TRIM37: variants seen among roughly 807,000 people sequenced by gnomAD.
The protein encoded by TRIM37 is tripartite motif containing 37.
TRIM37 carries 80 observed loss-of-function variants against 129.8 expected under a neutral mutation model. The ratio of observed to expected loss-of-function variants is 0.62; its 90% CI spans 0.51 to 0.74. The LOEUF (loss-of-function observed/expected upper bound fraction) is 0.74. TRIM37 is among the 30% of genes least tolerant of loss of function. The probability of loss-of-function intolerance (pLI) is 0.00; values close to 1 mark genes in which losing one functional copy is unlikely to be tolerated. For synonymous variants in TRIM37, 389 were observed against 387.1 expected, an observed-to-expected ratio of 1.00 and a Z score of -0.06; for missense variants, 1,054 against 1,176.5, an observed-to-expected ratio of 0.90 and a Z score of 1.52.
At chr17:59,067,050 A>ATTTT (rs556507883) in intron 9 of TRIM37, among the ~76,000 whole-genome samples, 3 of 151,870 alleles carry the variant, frequency 2.0e-5, no homozygotes, top group African/African-American at 7.2e-5. Flanking sequence ...TTATTTATTT[A>ATTTT]TTTTTTTGAG....
chr17:59,073,072 CTT>C (rs950545929), intron 8 of TRIM37: 4 of 152,148 alleles, frequency 2.6e-5, no homozygotes, highest in African/African-American at 9.7e-5. Flanking sequence ...AAAAATTTAA[CTT>C]ATATTAATTG....
chr17:59,075,887 A>T (rs896147227), intron 7 of TRIM37, among the ~76,000 whole-genome samples, 173 bp from the exon 8 acceptor site: 1 of 152,254 alleles, frequency 6.6e-6, no homozygotes, highest in Non-Finnish European at 1.5e-5. Context: ...ATATTATAGT[A>T]GCCTTGAAAA....
At chr17:59,103,588 C>T (rs1186337942) in intron 2 of TRIM37, among the ~76,000 whole-genome samples, 1 of 151,616 alleles carries the variant, frequency 6.6e-6, no homozygotes, top group Non-Finnish European at 1.5e-5. Flanking sequence ...GATCCACCCG[C>T]CTCGGCCTCC....
intron 16 of TRIM37, 52 bp downstream of exon 16, chr17:59,047,631 C>T: frequency 1.3e-6 from 2 of 1,563,168 alleles, no homozygotes; most frequent in East Asian, 2.2e-5. Flanking sequence ...AGTTAATATG[C>T]TTCTAATAAT....
downstream of TRIM37, chr17:58,982,470 G>C (rs1233772329): frequency 6.3e-6 from 1 of 159,270 alleles, no homozygotes. Context: ...TAACAAGGGT[G>C]AGTGCTCTCG....
intron 3 of TRIM37, among the ~76,000 whole-genome samples, chr17:59,090,406 T>C (rs2044184774): frequency 6.6e-6 from 1 of 152,024 alleles, no homozygotes; most frequent in Admixed American, 6.6e-5. Flanking sequence ...TATATATAAA[T>C]ATAGGCACAA....
chr17:59,015,708 T>G lies in TRIM37; in HGVS notation c.2478A>C (p.Glu826Asp). 1 of 1,614,132 alleles carries G rather than the reference T, an allele frequency of 6.2e-7. No individual in the cohort carries two copies. ...GSIGDILPKT[E>D]DRQCKALDSD... ...AATCCAAAGCTTTACACTGCCGGTC[T>G]TCAGTTTTTGGCAGAATATCACCGA... The change falls in exon 21 of 24, where the codon GAA (glutamate) becomes GAC (aspartate). Residue 826 changes from glutamate (E) to aspartate (D), a missense_variant. By Grantham distance (45) the Glu-to-Asp change is conservative. Coordinates refer to ENST00000262294, the MANE Select transcript of TRIM37 (RefSeq NM_015294.6).
At chr17:59,099,216 A>G (rs1305167267) in intron 2 of TRIM37, among the ~76,000 whole-genome samples, 1 of 151,978 alleles carries the variant, frequency 6.6e-6, no homozygotes, top group Non-Finnish European at 1.5e-5. Context: ...AGGATAAACA[A>G]AAAGTGGTAT....
intron 24 of TRIM37, among the ~76,000 whole-genome samples, chr17:58,986,301 C>T (rs1185864485): frequency 1.3e-5 from 2 of 151,840 alleles, no homozygotes; most frequent in Non-Finnish European, 2.9e-5. Flanking sequence ...CAGGTTCAAG[C>T]GATTTTCCTG....
intron 4 of TRIM37, among the ~76,000 whole-genome samples, chr17:59,084,338 C>G (rs1234083916): frequency 6.6e-6 from 1 of 152,158 alleles, no homozygotes; most frequent in Non-Finnish European, 1.5e-5. Flanking sequence ...TTCTTAAAAA[C>G]ATAACACATA....
rs554014861 is a variant in TRIM37, at chr17:59,006,892, A to T, written c.2696-5178T>A. Among the ~76,000 whole-genome samples, 85 of 151,916 alleles carry T rather than the reference A, an allele frequency of 5.6e-4. 2 individuals are homozygous for T. The highest frequency in any genetic ancestry group is 6.8e-4 in the Non-Finnish European group (46 of 67,942). On this transcript the variant is annotated intron_variant, in intron 22 of 23. Transcript: ENST00000262294. ...CGACAGAGCAACACTCTGTCTCCAA[A>T]AAATAAATAAATAAATAAATAAATA...
At chr17:59,075,740 C>T (rs978900836) in intron 7 of TRIM37, 26 bp from the exon 8 acceptor site, 3 of 1,504,250 alleles carry the variant, frequency 2.0e-6, no homozygotes, top group Non-Finnish European at 2.8e-6. Context: ...GAATCATCAA[C>T]ACTTGGGTTC....
chr17:59,042,302 G>A (rs1314759735), intron 16 of TRIM37, among the ~76,000 whole-genome samples: 1 of 149,366 alleles, frequency 6.7e-6, no homozygotes, highest in Non-Finnish European at 1.5e-5. Context: ...CGTGAACCCA[G>A]GAGGCAAGCT....
In TRIM37 at chr17:59,091,471, CATAATAT is replaced by C. The variant is rs1163323374; in HGVS notation, c.124-138_124-132del. 197 of 162,526 alleles carry C rather than the reference CATAATAT, an allele frequency of 1.2e-3. No homozygotes were observed. In the East Asian group the frequency reaches 0.02, roughly 16 times the overall value. 10.1% of individuals were successfully genotyped at this position (162,526 alleles called of 1,614,324 possible). On this transcript the variant is annotated intron_variant, in intron 2 of 23. Coordinates refer to ENST00000262294, the MANE Select transcript of TRIM37 (RefSeq NM_015294.6). ...ATATAATATATAAATATATAATATT[CATAATAT>C]ATAATATATAATATATTATTATATA...
At chr17:58,970,530 G>T in the TRIM37 span, among the ~76,000 whole-genome samples, 1 of 152,064 alleles carries the variant, frequency 6.6e-6, no homozygotes, top group East Asian at 1.9e-4. Flanking sequence ...TTTTTAAAAT[G>T]GGCTTGGAGA....
intron 21 of TRIM37, among the ~76,000 whole-genome samples, chr17:59,014,634 T>C (rs2035680987): frequency 1.3e-5 from 2 of 151,808 alleles, no homozygotes; most frequent in Non-Finnish European, 2.9e-5. Context: ...AAGTGCTTTG[T>C]TTCATACAAA....
chr17:59,075,335 G>C (rs549332821), intron 8 of TRIM37, among the ~76,000 whole-genome samples: 1 of 151,842 alleles, frequency 6.6e-6, no homozygotes, highest in South Asian at 2.1e-4. Context: ...AGGCTGAGGC[G>C]GGCAGATCAC....
intron 9 of TRIM37, among the ~76,000 whole-genome samples, chr17:59,065,266 A>G (rs1162347351): frequency 1.3e-5 from 2 of 152,252 alleles, no homozygotes; most frequent in Admixed American, 6.5e-5. Flanking sequence ...ACAGTCAGTG[A>G]TAACACAATT....
chr17:59,067,754 TG>T (rs2042030672), intron 9 of TRIM37, among the ~76,000 whole-genome samples: 1 of 144,312 alleles, frequency 6.9e-6, no homozygotes, highest in South Asian at 2.1e-4. Context: ...CAGACTGCTC[TG>T]GAACTCCTGA....
Sources: gnomAD v4.1 joint callset for allele counts (sites outside exome capture counted in the v4.1 genomes callset) on GRCh38, gnomAD v4.1.1 for gene constraint, MANE v1.5 for transcripts, NCBI Gene and HGNC (gene_info 2026-07-23, HGNC 2026-07-21) for gene names.